Variants in SNX29 observed in about 807,000 individuals in gnomAD.
SNX29 encodes sorting nexin 29.
SNX29 carries 78 observed loss-of-function variants against 102.1 expected under a neutral mutation model. That is an observed-to-expected ratio of 0.76 (90% CI 0.64 to 0.92). The LOEUF (loss-of-function observed/expected upper bound fraction) is 0.92. SNX29 is among the 40% of genes least tolerant of loss of function. The pLI, the probability that SNX29 is intolerant of heterozygous loss-of-function variation, is 0.00. For missense variants in SNX29, 1,280 were observed against 1,061.7 expected (o/e 1.21, Z -2.86); for synonymous variants, 580 against 414.5 (o/e 1.40, Z -4.85).
chr16:12,194,489 C>T (rs1262811481), intron 13 of SNX29, among the ~76,000 whole-genome samples: 16 of 152,044 alleles, frequency 1.1e-4, no homozygotes. Flanking sequence ...GGCCTTATTT[C>T]ACCAGCTAGA....
At chr16:12,058,941 C>T (rs998561643) in intron 8 of SNX29, among the ~76,000 whole-genome samples, 2 of 151,478 alleles carry the variant, frequency 1.3e-5, no homozygotes, top group African/African-American at 2.4e-5. Context: ...TACAGGTGTG[C>T]AATACCATAC....
chr16:12,062,492 T>C (rs775969700), intron 9 of SNX29, among the ~76,000 whole-genome samples: 38 of 152,264 alleles, frequency 2.5e-4, no homozygotes, highest in Non-Finnish European at 5.0e-4. Context: ...TGGTTTGTTA[T>C]TGTTTTCTTT....
intron 13 of SNX29, among the ~76,000 whole-genome samples, chr16:12,168,561 C>T (rs998923869): frequency 1.3e-5 from 2 of 152,154 alleles, no homozygotes; most frequent in African/African-American, 2.4e-5. Flanking sequence ...AACAGGCTGA[C>T]GGGTGCCCTC....
chr16:12,442,898 C>A (rs1019155746), intron 18 of SNX29: 20 of 415,998 alleles, frequency 4.8e-5, no homozygotes, highest in Non-Finnish European at 7.2e-5. Flanking sequence ...TGGCTGTGTT[C>A]AAAAAAAACT....
intron 19 of SNX29, among the ~76,000 whole-genome samples, chr16:12,499,377 G>A (rs2088994360): frequency 6.6e-6 from 1 of 152,216 alleles, no homozygotes; most frequent in Non-Finnish European, 1.5e-5. Context: ...TGACGGGGGT[G>A]CCAGTAATGC....
intron 16 of SNX29, among the ~76,000 whole-genome samples, chr16:12,367,951 C>T (rs1048695673): frequency 1.3e-4 from 20 of 152,202 alleles, no homozygotes; most frequent in African/African-American, 4.6e-4. Flanking sequence ...CACTTTAAAC[C>T]TCTAGATCGA....
chr16:12,046,311 A>G, intron 5 of SNX29, 73 bp from the exon 6 acceptor site: 1 of 1,485,374 alleles, frequency 6.7e-7, no homozygotes, highest in Non-Finnish European at 9.3e-7. Context: ...GGAGCCGTCT[A>G]ATGGAATTTC....
chr16:12,032,858 T>C (rs1716128990), intron 4 of SNX29, among the ~76,000 whole-genome samples: 1 of 151,670 alleles, frequency 6.6e-6, no homozygotes, highest in African/African-American at 2.4e-5. Flanking sequence ...GCCTTGCCAG[T>C]GTTGGGTTTT....
At chr16:12,037,877 C>T (rs1247130945) in intron 4 of SNX29, among the ~76,000 whole-genome samples, 1 of 152,002 alleles carries the variant, frequency 6.6e-6, no homozygotes, top group Non-Finnish European at 1.5e-5. Flanking sequence ...ATCGCTTGAG[C>T]CCAGGAGTTC....
chr16:12,452,657 C>T (rs1333735666), intron 18 of SNX29, among the ~76,000 whole-genome samples: 1 of 152,012 alleles, frequency 6.6e-6, no homozygotes, highest in South Asian at 2.1e-4. Context: ...GGGTCACCAG[C>T]CCTGGGGACT....
At chr16:12,240,597 T>C (rs1199352987) in intron 14 of SNX29, among the ~76,000 whole-genome samples, 1 of 127,766 alleles carries the variant, frequency 7.8e-6, no homozygotes, top group East Asian at 2.3e-4. Context: ...TTTTTTTTTT[T>C]TTTTTTTTTT....
intron 20 of SNX29, among the ~76,000 whole-genome samples, chr16:12,530,658 C>T (rs540891173): frequency 6.6e-6 from 1 of 151,916 alleles, no homozygotes; most frequent in Non-Finnish European, 1.5e-5. Flanking sequence ...TGGGTTCAAG[C>T]GATTCTCCTG....
intron 8 of SNX29, among the ~76,000 whole-genome samples, chr16:12,054,498 C>G (rs2050438883): frequency 6.6e-6 from 1 of 152,194 alleles, no homozygotes; most frequent in African/African-American, 2.4e-5. Context: ...CCATTGAAGG[C>G]CTGAACAGAA....
intron 15 of SNX29, among the ~76,000 whole-genome samples, chr16:12,343,157 C>T (rs1476917224): frequency 6.6e-6 from 1 of 152,148 alleles, no homozygotes; most frequent in African/African-American, 2.4e-5. Flanking sequence ...CGCACACCAG[C>T]CTCCACTGAT....
chr16:12,234,092 C>A (rs1043351635), intron 14 of SNX29, among the ~76,000 whole-genome samples: 1 of 152,166 alleles, frequency 6.6e-6, no homozygotes, highest in African/African-American at 2.4e-5. Context: ...ACGTGTTTTT[C>A]ATTTCTCTCG....
chr16:12,176,306 A>G (rs1409042708), intron 13 of SNX29, among the ~76,000 whole-genome samples: 1 of 152,206 alleles, frequency 6.6e-6, no homozygotes, highest in African/African-American at 2.4e-5. Flanking sequence ...GCAGGTTCAA[A>G]TCTTGGTTCT....
At chr16:12,060,253 C>T (rs1233594796) in intron 8 of SNX29, among the ~76,000 whole-genome samples, 1 of 152,014 alleles carries the variant, frequency 6.6e-6, no homozygotes, top group Non-Finnish European at 1.5e-5. Context: ...ATGTAAAGTA[C>T]ATATGTGGGA....
intron 9 of SNX29, among the ~76,000 whole-genome samples, chr16:12,066,010 A>T (rs1489824896): frequency 6.6e-6 from 1 of 152,176 alleles, no homozygotes; most frequent in Non-Finnish European, 1.5e-5. Flanking sequence ...CGTCAGGCCC[A>T]CAACAAGTAC....
chr16:12,434,589 C>A (rs2085452925), intron 18 of SNX29, among the ~76,000 whole-genome samples: 1 of 152,124 alleles, frequency 6.6e-6, no homozygotes, highest in Non-Finnish European at 1.5e-5. Flanking sequence ...GTGTACCCTG[C>A]AACCCCCAAA....
Sources: gnomAD v4.1 joint callset for allele counts (sites outside exome capture counted in the v4.1 genomes callset) on GRCh38, gnomAD v4.1.1 for gene constraint, MANE v1.5 for transcripts, NCBI Gene and HGNC (gene_info 2026-07-23, HGNC 2026-07-21) for gene names.